ALG13: variants seen among roughly 807,000 people sequenced by gnomAD.
The protein encoded by ALG13 is ALG13 UDP-N-acetylglucosaminyltransferase subunit.
A neutral mutation model predicts 87.8 loss-of-function variants in ALG13; 11 were observed. The observed-to-expected ratio is 0.13, with a 90% CI of 0.08 to 0.21. The LOEUF (loss-of-function observed/expected upper bound fraction) is 0.21, where lower values mean the gene tolerates loss of function less well. Among genes scored for constraint, ALG13 ranks in the 10% least tolerant of loss-of-function variants. ALG13 has a pLI of 1.00. For missense variants in ALG13, 756 were observed against 866.1 expected (o/e 0.87, Z 1.60); for synonymous variants, 320 against 306.3 (o/e 1.04, Z -0.47).
At chrX:111,727,986 A>G (rs1416549375) in intron 18 of ALG13, among the ~76,000 whole-genome samples, 199 bp from the exon 19 acceptor site, 1 of 112,398 alleles carries the variant, frequency 8.9e-6, no homozygotes, top group Non-Finnish European at 1.9e-5. Context: ...GTATGGGTTA[A>G]TATTTTCTAT....
chrX:111,695,268 A>G (rs958667505), intron 3 of ALG13, among the ~76,000 whole-genome samples: 5 of 111,652 alleles, frequency 4.5e-5, no homozygotes, highest in African/African-American at 1.6e-4. Flanking sequence ...TCATGCCTGT[A>G]ATCCCAGCAC....
Position 111,708,238 on chromosome X carries a change from C to A in ALG13, c.595C>A (p.Pro199Thr). The A allele has an allele frequency of 8.3e-7, 1 of 1,211,582 alleles. No homozygotes were observed. Among genetic ancestry groups the A allele is most frequent in the Non-Finnish European group, 1.1e-6 (1 of 895,399 alleles). ...CHAFFPLPLT[P>T]TLYKMHKGWK... ...CGCTTTTTTTCCTCTCCCTCTTACC[C>A]CCACCCTGTACAAAATGCATAAAGG... Residue 199 changes from proline (P) to threonine (T), a missense_variant, in exon 4 of 27, where the codon CCC becomes ACC. Around this residue, in one of 9 missense-constraint regions of ALG13, gnomAD observed 153 missense variants for 168.7 expected, o/e 0.91. Transcript: ENST00000394780.
At position 111,718,360 on chromosome X, in the gene ALG13, T is replaced by G; in HGVS notation, c.1250+86T>G. ...TGAAAGTGGAAGGGGCCTGGCAAGCTTATGAGTTAGGTTACATATTCACAC... is the reference window on the plus strand; with the variant it reads ...TGAAAGTGGAAGGGGCCTGGCAAGCGTATGAGTTAGGTTACATATTCACAC... On this transcript the variant is annotated intron_variant, in intron 10 of 26. Coordinates refer to ENST00000394780, the MANE Select transcript of ALG13 (RefSeq NM_001099922.3). The G allele has an allele frequency of 3.6e-6, 3 of 831,379 alleles. No homozygotes were observed. In the Middle Eastern group the frequency reaches 1.0e-3, roughly 277 times the overall value. 68.5% of individuals were successfully genotyped at this position (831,379 alleles called of 1,213,427 possible).
At chrX:111,744,545 A>C in intron 23 of ALG13, 123 bp from the exon 24 acceptor site, 2 of 786,009 alleles carry the variant, frequency 2.5e-6, no homozygotes, top group South Asian at 2.5e-5. Flanking sequence ...AGTTTTTTTT[A>C]TACCCAAACC....
rs1942113386 is a variant in ALG13, at chrX:111,726,899, G to A, written c.1820G>A (p.Gly607Glu). 1 of 1,211,415 alleles carries A rather than the reference G, an allele frequency of 8.3e-7. No individual in the cohort carries two copies. The highest frequency in any genetic ancestry group is 1.1e-6 in the Non-Finnish European group (1 of 895,372). The change falls in exon 16 of 27, where the codon GGA becomes GAA. Residue 607 changes from glycine (G) to glutamate (E), a missense_variant. Physicochemically the swap from Gly to Glu is moderately conservative, Grantham distance 98. Around this residue, in one of 9 missense-constraint regions of ALG13, gnomAD observed 362 missense variants for 383.5 expected, o/e 0.94. Transcript: ENST00000394780. ...TACATGACTATGGCTTACGGCAAGG[G>A]AGACCCCCTCCTCCCACCCAGGCTG... ...EVYMTMAYGK[G>E]DPLLPPRLQH...
intron 3 of ALG13, among the ~76,000 whole-genome samples, chrX:111,701,717 C>T (rs1031440617): frequency 9.0e-6 from 1 of 111,392 alleles, no homozygotes; most frequent in Admixed American, 9.5e-5. Context: ...CTTCCTTCTG[C>T]TAACTTTAGG....
At chrX:111,718,975 T>C (rs947572088) in intron 10 of ALG13, among the ~76,000 whole-genome samples, 11 of 111,869 alleles carry the variant, frequency 9.8e-5, no homozygotes, top group African/African-American at 3.6e-4. Flanking sequence ...CCTTGTGTTT[T>C]TTGTCTTGCA....
rs759545615 is a variant in ALG13, at chrX:111,752,801, T to C, written c.2944T>C (p.Leu982=). 3.4e-6 allele frequency: 4 copies of C among 1,188,908 alleles called. No homozygotes were observed. Among genetic ancestry groups the C allele is most frequent in the Non-Finnish European group, 3.4e-6 (3 of 880,938 alleles). Residue 982 remains leucine, a synonymous_variant, in exon 25 of 27, where the codon TTG becomes CTG. Coordinates refer to ENST00000394780, the MANE Select transcript of ALG13 (RefSeq NM_001099922.3). ...ATTTTTAATTTTAGATACAAAAGTT[T>C]TGCAGTACTATTTCAATCTAGGATT... ...GSDLPQDTKV[L]QYYFNLGLQC... is the part of the protein sequence containing the mutation.
At chrX:111,741,167 C>G (rs1463324477) in intron 23 of ALG13, among the ~76,000 whole-genome samples, 1 of 111,784 alleles carries the variant, frequency 8.9e-6, no homozygotes, top group African/African-American at 3.3e-5. Context: ...TGGATTGCAG[C>G]ATGAGTATGT....
At chrX:111,723,097 A>G (rs1324699330) in intron 13 of ALG13, among the ~76,000 whole-genome samples, 1 of 109,569 alleles carries the variant, frequency 9.1e-6, no homozygotes, top group Non-Finnish European at 1.9e-5. Flanking sequence ...CTGGGACTAC[A>G]GGCACATACC....
In ALG13 at chrX:111,757,545, A is replaced by C. The variant is rs1264305586; in HGVS notation, c.2974-43A>C. The stretch of plus-strand genomic sequence containing the variant: ...AACTGTATTACATTAAGAATAGAGA[A>C]GAGTGAAGTTTCTTATTTTTTTGTT... On this transcript the variant is annotated intron_variant, in intron 25 of 26. Coordinates refer to ENST00000394780, the MANE Select transcript of ALG13 (RefSeq NM_001099922.3). 5.5e-5 allele frequency: 57 copies of C among 1,030,823 alleles called. No individual in the cohort carries two copies. The Admixed American group carries it at 1.4e-3, about 25-fold the overall frequency. 85.0% of individuals were successfully genotyped at this position (1,030,823 alleles called of 1,213,427 possible).
At position 111,760,395 on chromosome X, in the gene ALG13, A is replaced by G. The variant is rs1263653532; in HGVS notation, c.*396A>G. On this transcript the variant is annotated 3_prime_UTR_variant, in exon 27 of 27. Coordinates refer to ENST00000394780, the MANE Select transcript of ALG13 (RefSeq NM_001099922.3). ...TAACTTCCACTTTTTTCTAGAAAGT[A>G]AAACCAAGAGCCTTTGCTTCTGGAT... 1 of 123,120 alleles carries G rather than the reference A, an allele frequency of 8.1e-6. No individual in the cohort carries two copies. Among genetic ancestry groups the G allele is most frequent in the East Asian group, 2.5e-4 (1 of 3,984 alleles). The allele number at this position is 123,120 out of a possible 1,213,427, so 10.1% of individuals were successfully genotyped here.
intron 11 of ALG13, 65 bp downstream of exon 11, chrX:111,720,235 G>A: frequency 1.3e-6 from 1 of 762,660 alleles, no homozygotes; most frequent in African/African-American, 2.1e-5. Flanking sequence ...ACTTAAACTA[G>A]TTAAAGTCAG....
At chrX:111,750,888 C>T (rs1267248167) in intron 24 of ALG13, among the ~76,000 whole-genome samples, 1 of 109,088 alleles carries the variant, frequency 9.2e-6, no homozygotes, top group Admixed American at 9.9e-5. Flanking sequence ...AGGCTGGTCT[C>T]GAACTCCTGA....
At chrX:111,717,974 T>C (rs1219219820) in intron 9 of ALG13, 47 bp downstream of exon 9, 2 of 1,134,440 alleles carry the variant, frequency 1.8e-6, no homozygotes, top group Admixed American at 4.6e-5. Flanking sequence ...AGATGACTTG[T>C]TTTCACTCAG....
At chrX:111,738,081 ATAAAC>A (rs1358078800) in intron 23 of ALG13, among the ~76,000 whole-genome samples, 1 of 112,948 alleles carries the variant, frequency 8.9e-6, no homozygotes, top group African/African-American at 3.2e-5. Context: ...ACAGATCTAA[ATAAAC>A]TAAAAACTGT....
intron 15 of ALG13, among the ~76,000 whole-genome samples, chrX:111,725,921 A>T (rs958153084): frequency 1.8e-5 from 2 of 111,720 alleles, no homozygotes; most frequent in Non-Finnish European, 3.8e-5. Context: ...GTGTGATTGG[A>T]TGACTCGGAG....
intron 13 of ALG13, 42 bp downstream of exon 13, chrX:111,722,899 T>A (rs1283004661): frequency 1.0e-6 from 1 of 995,651 alleles, no homozygotes; most frequent in Admixed American, 2.4e-5. Context: ...TTTAAGAATG[T>A]GCTTTTTGTC....
rs1464181502 is a variant in ALG13 at position 111,718,281 on chromosome X, A to G, written c.1250+7A>G. 6.0e-6 allele frequency: 7 copies of G among 1,172,330 alleles called. No individual in the cohort carries two copies. The highest frequency in any genetic ancestry group is 8.1e-6 in the Non-Finnish European group (7 of 869,330). On this transcript the variant is annotated splice_region_variant and intron_variant, in intron 10 of 26. Coordinates refer to ENST00000394780, the MANE Select transcript of ALG13 (RefSeq NM_001099922.3). ...AGAGTTCAAATCAGAATAGGTAATAAAGGGAAAGGGGATATCATGATAATT... is the reference window on the plus strand; with the variant it reads ...AGAGTTCAAATCAGAATAGGTAATAGAGGGAAAGGGGATATCATGATAATT...
Sources: gnomAD v4.1 joint callset for allele counts (sites outside exome capture counted in the v4.1 genomes callset) on GRCh38, gnomAD v4.1.1 for gene constraint, gnomAD v4.1.1 regional missense constraint, MANE v1.5 for transcripts, NCBI Gene and HGNC (gene_info 2026-07-23, HGNC 2026-07-21) for gene names.